ADAM11: variants seen among roughly 807,000 people sequenced by gnomAD.
ADAM11 encodes ADAM metallopeptidase domain 11.
A neutral mutation model predicts 119.1 loss-of-function variants in ADAM11; 49 were observed. That is an observed-to-expected ratio of 0.41 (90% CI 0.33 to 0.52). The LOEUF (loss-of-function observed/expected upper bound fraction) is 0.52, where lower values mean the gene tolerates loss of function less well. Among genes scored for constraint, ADAM11 ranks in the 20% least tolerant of loss-of-function variants. The pLI is 0.20. For synonymous variants in ADAM11, 364 were observed against 408.0 expected (o/e 0.89, Z 1.30); for missense variants, 777 against 1,047.5 (o/e 0.74, Z 3.56).
chr17:44,779,347 C>T (rs752127218), intron 26 of ADAM11, 108 bp downstream of exon 26: 34 of 1,474,838 alleles, frequency 2.3e-5, no homozygotes, highest in South Asian at 2.0e-4. Context: ...TGATGGGGAG[C>T]GGGGGCTGAT....
At chr17:44,763,456 C>G (rs1466961468) in intron 2 of ADAM11, among the ~76,000 whole-genome samples, 1 of 152,232 alleles carries the variant, frequency 6.6e-6, no homozygotes, top group Non-Finnish European at 1.5e-5. Flanking sequence ...TGCTACTGCA[C>G]TCAACCCCCT....
chr17:44,770,288 C>T (rs61683016), intron 4 of ADAM11, among the ~76,000 whole-genome samples: 28 of 152,292 alleles, frequency 1.8e-4, no homozygotes, highest in African/African-American at 6.0e-4. Flanking sequence ...AGCCAGCCCA[C>T]GTGGGGCCTA....
At position 44,775,731 on chromosome 17, in the gene ADAM11, C is replaced by T; in HGVS notation, c.1485+55C>T. 6.6e-7 allele frequency: 1 copy of T among 1,513,856 alleles called. No homozygotes were observed. The highest frequency in any genetic ancestry group is 8.9e-7 in the Non-Finnish European group (1 of 1,127,284). 93.8% of individuals were successfully genotyped at this position (1,513,856 alleles called of 1,614,324 possible). A position where few individuals can be genotyped will look rare whatever the true frequency, so the allele number is the denominator to read the frequency against. On this transcript the variant is annotated intron_variant, in intron 17 of 26. Coordinates refer to ENST00000200557, the MANE Select transcript of ADAM11 (RefSeq NM_002390.6). The surrounding 1 kb of genome is among the most constrained non-coding windows in gnomAD (Gnocchi z 7.5). ...AGGACGCAGGAGGAGCGATTGGAGG[C>T]CTTCATATAAGGGGTGGGAGCTAGG...
At chr17:44,759,308 CG>C in intron 1 of ADAM11, 48 bp downstream of exon 1, 2 of 1,348,568 alleles carry the variant, frequency 1.5e-6, no homozygotes, top group East Asian at 3.1e-5. Context: ...GCCCCCGCCC[CG>C]GGATGTGCGG....
At chr17:44,771,455 C>A in intron 4 of ADAM11, 129 bp from the exon 5 acceptor site, 2 of 939,868 alleles carry the variant, frequency 2.1e-6, no homozygotes, top group South Asian at 1.5e-5. Context: ...GGCTCCAGAG[C>A]CCCAGGCATA....
intron 2 of ADAM11, among the ~76,000 whole-genome samples, chr17:44,760,209 TC>T: frequency 6.6e-6 from 1 of 152,240 alleles, no homozygotes; most frequent in African/African-American, 2.4e-5. Flanking sequence ...AGCTAGTTGT[TC>T]TGTTCAAAAC....
rs748643908 is a variant in ADAM11, at chr17:44,769,936, C to T, written c.315-46C>T. On this transcript the variant is annotated intron_variant, in intron 3 of 26. Coordinates refer to ENST00000200557, the MANE Select transcript of ADAM11 (RefSeq NM_002390.6). ...ACCTGAGGCGAGCCTCAAGCCCGAC[C>T]TCACCTCGCCCGTGACCCCCCTTCC... 3.7e-6 allele frequency: 6 copies of T among 1,612,314 alleles called. No homozygotes were observed. In the Admixed American group the frequency reaches 5.0e-5, roughly 13 times the overall value.
intron 1 of ADAM11, 148 bp from the exon 2 acceptor site, chr17:44,759,574 C>T (rs1032735243): frequency 4.5e-5 from 58 of 1,288,624 alleles, no homozygotes; most frequent in Non-Finnish European, 5.7e-5. Flanking sequence ...GGGCTCTTGC[C>T]TCTGCAGGGC....
At chr17:44,759,437 G>T (rs2049361703) in intron 1 of ADAM11, 177 bp downstream of exon 1, 4 of 1,248,590 alleles carry the variant, frequency 3.2e-6, no homozygotes, top group Non-Finnish European at 4.0e-6. Flanking sequence ...GTCCCCAGCT[G>T]GCCGGGCCCA....
In ADAM11 at chr17:44,781,422, T is replaced by G. The variant is rs2049692397; in HGVS notation, c.*1668T>G. 2 of 152,210 alleles carry G rather than the reference T, an allele frequency of 1.3e-5. No individual in the cohort carries two copies. Among genetic ancestry groups the G allele is most frequent in the African/African-American group, 4.8e-5 (2 of 41,440 alleles). 9.4% of individuals were successfully genotyped at this position (152,210 alleles called of 1,614,324 possible). A position where few individuals can be genotyped will look rare whatever the true frequency, so the allele number is the denominator to read the frequency against. ...GCTCTGCTCCACCAGCCCTGCAAGCTGATGCAGGGCGGGGGAAGGGCTGGG... is the reference window on the plus strand; with the variant it reads ...GCTCTGCTCCACCAGCCCTGCAAGCGGATGCAGGGCGGGGGAAGGGCTGGG... On this transcript the variant is annotated 3_prime_UTR_variant, in exon 27 of 27. Coordinates refer to ENST00000200557, the MANE Select transcript of ADAM11 (RefSeq NM_002390.6).
rs764459179 is a variant in ADAM11, at chr17:44,777,669, TG to T, written c.1902-25del. 1 of 1,613,260 alleles carries T rather than the reference TG, an allele frequency of 6.2e-7. No individual in the cohort carries two copies. The highest frequency in any genetic ancestry group is 1.1e-5 in the South Asian group (1 of 91,076). ...TGCTGGGGGTTAGGAGACAGGGGGC[TG>T]AGGCTGGCTGTGTCACTTCCCCAGG... is the stretch of plus-strand genomic sequence containing the variant. On this transcript the variant is annotated intron_variant, in intron 22 of 26. Transcript: ENST00000200557. This position sits in a 1 kb window ranked among gnomAD's most constrained non-coding sequence, Gnocchi z 5.1.
chr17:44,759,231 C>T lies in ADAM11; in HGVS notation c.32C>T (p.Ala11Val), dbSNP rs987749271. The T allele has an allele frequency of 6.9e-7, 1 of 1,439,518 alleles. No homozygotes were observed. The highest frequency in any genetic ancestry group is 1.4e-5 in the South Asian group (1 of 73,704). The allele number at this position is 1,439,518 out of a possible 1,614,324, so 89.2% of individuals were successfully genotyped here. ...CTGCTGCGGCGCTGGGCGTTCGCGGCTCTGCTGCTGTCGCTGCTCCCCACG... is the reference window on the plus strand; with the variant it reads ...CTGCTGCGGCGCTGGGCGTTCGCGGTTCTGCTGCTGTCGCTGCTCCCCACG... Reference protein sequence around the residue: MRLLRRWAFAALLLSLLPTPG... With the variant: MRLLRRWAFAVLLLSLLPTPG... Residue 11 changes from alanine (A) to valine (V), a missense_variant, in exon 1 of 27, where the codon GCT (alanine) becomes GTT (valine). This residue lies in a region of ADAM11 where 278 missense variants were observed against 310.1 expected (regional missense o/e 0.90). Transcript: ENST00000200557.
chr17:44,769,861 G>A (rs563675326), intron 3 of ADAM11, 67 bp downstream of exon 3: 119 of 1,602,470 alleles, frequency 7.4e-5, no homozygotes, highest in Non-Finnish European at 1.0e-4. Flanking sequence ...CTAGGGCCTG[G>A]CTGCTGGGGG....
rs2049556184 is a variant in ADAM11, at chr17:44,773,495, A to T, written c.992+68A>T. The T allele has an allele frequency of 1.3e-6, 2 of 1,551,184 alleles. No individual in the cohort carries two copies. The highest frequency in any genetic ancestry group is 1.4e-5 in the African/African-American group (1 of 73,984). ...GCTACAGTGCTTGGGATTACTTAACACCTGCCCTGTGCTGGCTGCTCCTCT... is the reference window on the plus strand; with the variant it reads ...GCTACAGTGCTTGGGATTACTTAACTCCTGCCCTGTGCTGGCTGCTCCTCT... On this transcript the variant is annotated intron_variant, in intron 11 of 26. Coordinates refer to ENST00000200557, the MANE Select transcript of ADAM11 (RefSeq NM_002390.6). The surrounding 1 kb of genome is among the most constrained non-coding windows in gnomAD (Gnocchi z 4.6).
rs758077159 is a variant in ADAM11, at chr17:44,777,305, G to A, written c.1781+40G>A. The stretch of plus-strand genomic sequence containing the variant: ...TCCCAGAGGGCCTCTCAGCTCCAGG[G>A]CAGGTGTGAGACTTTTCAGAGATGG... On this transcript the variant is annotated intron_variant, in intron 21 of 26. Transcript: ENST00000200557. This position sits in a 1 kb window ranked among gnomAD's most constrained non-coding sequence, Gnocchi z 5.1. The A allele has an allele frequency of 8.3e-6, 13 of 1,572,484 alleles. No individual in the cohort carries two copies. Among genetic ancestry groups the A allele is most frequent in the Non-Finnish European group, 7.8e-6 (9 of 1,158,250 alleles).
chr17:44,772,867 G>A lies in ADAM11; in HGVS notation c.689G>A (p.Gly230Asp), dbSNP rs765115407. The change falls in exon 9 of 27, where the codon GGC becomes GAC. Residue 230 changes from glycine to aspartate, a missense_variant. Physicochemically the swap from Gly to Asp is moderately conservative, Grantham distance 94. Coordinates refer to ENST00000200557, the MANE Select transcript of ADAM11 (RefSeq NM_002390.6). The surrounding 1 kb of genome is among the most constrained non-coding windows in gnomAD (Gnocchi z 4.5). Reference sequence around the variant, plus strand: ...CCACCCACCCCCCAGGTCCGCCGGGGCCACCCTACAGTGCACAGTGAAACC... The same window carrying A: ...CCACCCACCCCCCAGGTCCGCCGGGACCACCCTACAGTGCACAGTGAAACC... ...RLRRKRQVRR[G>D]HPTVHSETKY... The A allele has an allele frequency of 3.1e-6, 5 of 1,613,678 alleles. No homozygotes were observed. Among genetic ancestry groups the A allele is most frequent in the African/African-American group, 2.7e-5 (2 of 74,906 alleles).
chr17:44,780,176 T>C lies in ADAM11; in HGVS notation c.*422T>C. ...TCTCTGGGACCTAGGGGGACGGGGC[T>C]GACATCTACATTTTTTAAAACTGAA... On this transcript the variant is annotated 3_prime_UTR_variant, in exon 27 of 27. Transcript: ENST00000200557. 1.9e-6 allele frequency: 1 copy of C among 523,172 alleles called. No individual in the cohort carries two copies. The highest frequency in any genetic ancestry group is 3.6e-6 in the Non-Finnish European group (1 of 274,338). The allele number at this position is 523,172 out of a possible 1,614,324, so 32.4% of individuals were successfully genotyped here.
In ADAM11 at chr17:44,775,992, T is replaced by A. The variant is rs1458605916; in HGVS notation, c.1486-135T>A. ...TCAAGAGGTGGTGGGAGCAGGGAAATAAGAACAGGCCTGAAACGGGGCCCT... is the reference window on the plus strand; with the variant it reads ...TCAAGAGGTGGTGGGAGCAGGGAAAAAAGAACAGGCCTGAAACGGGGCCCT... On this transcript the variant is annotated intron_variant, in intron 17 of 26. Coordinates refer to ENST00000200557, the MANE Select transcript of ADAM11 (RefSeq NM_002390.6). This position sits in a 1 kb window ranked among gnomAD's most constrained non-coding sequence, Gnocchi z 7.5. 1 of 1,045,952 alleles carries A rather than the reference T, an allele frequency of 9.6e-7. No individual in the cohort carries two copies. The highest frequency in any genetic ancestry group is 1.4e-6 in the Non-Finnish European group (1 of 702,470). The allele number at this position is 1,045,952 out of a possible 1,614,324, so 64.8% of individuals were successfully genotyped here. A position where few individuals can be genotyped will look rare whatever the true frequency, so the allele number is the denominator to read the frequency against.
At position 44,772,215 on chromosome 17, in the gene ADAM11, GC is replaced by G; in HGVS notation, c.544-50del. The G allele has an allele frequency of 6.5e-7, 1 of 1,538,880 alleles. No homozygotes were observed. Among genetic ancestry groups the G allele is most frequent in the Non-Finnish European group, 8.9e-7 (1 of 1,127,600 alleles). On this transcript the variant is annotated intron_variant, in intron 6 of 26. Coordinates refer to ENST00000200557, the MANE Select transcript of ADAM11 (RefSeq NM_002390.6). The surrounding 1 kb of genome is among the most constrained non-coding windows in gnomAD (Gnocchi z 4.5). Reference sequence around the variant, plus strand: ...GCTGGATCTGGCCCCCGCCAAGTGGGCCTGGAGCAGGCCCAGTTGGCACCCC... The same window carrying G: ...GCTGGATCTGGCCCCCGCCAAGTGGGCTGGAGCAGGCCCAGTTGGCACCCC...
Sources: gnomAD v4.1 joint callset for allele counts (sites outside exome capture counted in the v4.1 genomes callset) on GRCh38, gnomAD v4.1.1 for gene constraint, gnomAD v4.1.1 regional missense constraint, Gnocchi (gnomAD v3.1) non-coding constraint, MANE v1.5 for transcripts, NCBI Gene and HGNC (gene_info 2026-07-23, HGNC 2026-07-21) for gene names.